The following LAPTM4B variants were observed in gnomAD, a reference collection of about 807,000 sequenced individuals.
LAPTM4B encodes the protein lysosomal-associated transmembrane protein 4B.
In LAPTM4B, 26 loss-of-function variants were observed where a neutral mutation model predicts 28.5. The ratio of observed to expected loss-of-function variants is 0.91; its 90% CI spans 0.67 to 1.27. The LOEUF (loss-of-function observed/expected upper bound fraction) is 1.27, where lower values mean the gene tolerates loss of function less well. Ranked by LOEUF, LAPTM4B falls within the 50% of genes most tolerant of loss-of-function variation. The probability of loss-of-function intolerance (pLI) is 0.00; values close to 1 mark genes in which losing one functional copy is unlikely to be tolerated. For synonymous variants in LAPTM4B, 109 were observed against 106.4 expected (o/e 1.02, Z -0.15); for missense variants, 288 against 285.8 (o/e 1.01, Z -0.06).
rs531900424 is a variant in LAPTM4B at position 97,846,088 on chromosome 8, C to T, written c.604-5309C>T. Reference sequence around the variant, plus strand: ...CACACTGTTCTGGAACTCCTGAGGTCAAGCAATCCTCCTGCTTTGGCTTCC... The same window carrying T: ...CACACTGTTCTGGAACTCCTGAGGTTAAGCAATCCTCCTGCTTTGGCTTCC... On this transcript the variant is annotated intron_variant, in intron 6 of 6. Coordinates refer to ENST00000521545, the MANE Select transcript of LAPTM4B (RefSeq NM_018407.6). 1.0e-3 allele frequency among the ~76,000 whole-genome samples: 153 copies of T among 151,392 alleles called. No individual in the cohort carries two copies. In the South Asian group the frequency reaches 0.012, roughly 12 times the overall value.
At position 97,822,924 on chromosome 8, in the gene LAPTM4B, C is replaced by T. The variant is rs139760665; in HGVS notation, c.508-2134C>T. ...TGGTGTGATCCCGGCTCACTGCAAC[C>T]TCTGCTTCCCGGGTTCAAGCAATTG... On this transcript the variant is annotated intron_variant, in intron 5 of 6. Transcript: ENST00000521545. Among the ~76,000 whole-genome samples the T allele has an allele frequency of 8.5e-3, 1,294 of 152,020 alleles. 22 individuals carry two copies. Among genetic ancestry groups the T allele is most frequent in the African/African-American group, 0.029 (1,213 of 41,458 alleles).
intron 1 of LAPTM4B, among the ~76,000 whole-genome samples, chr8:97,793,367 G>T (rs1389138238): frequency 6.6e-6 from 1 of 152,058 alleles, no homozygotes; most frequent in African/African-American, 2.4e-5. Context: ...AAAAAAAAAG[G>T]TTTAGCTCGC....
intron 6 of LAPTM4B, among the ~76,000 whole-genome samples, chr8:97,826,421 C>T (rs1817092097): frequency 6.6e-6 from 1 of 152,188 alleles, no homozygotes; most frequent in South Asian, 2.1e-4. Flanking sequence ...CTGTAACTCT[C>T]TTTGAAAGAA....
rs184211995 is a variant in LAPTM4B at position 97,776,934 on chromosome 8, G to A, written c.99+826G>A. ...TTCAGAGCTAGTGAGGAAACCTGAT[G>A]GAGTCTTGCCCGCACCTGCCCTGCG... On this transcript the variant is annotated intron_variant, in intron 1 of 6. Coordinates refer to ENST00000521545, the MANE Select transcript of LAPTM4B (RefSeq NM_018407.6). Among the ~76,000 whole-genome samples, 460 of 152,044 alleles carry A rather than the reference G, an allele frequency of 3.0e-3. 5 individuals are homozygous for A. Among genetic ancestry groups the A allele is most frequent in the South Asian group, 7.7e-3 (37 of 4,812 alleles).
chr8:97,795,262 G>A (rs1009591260), intron 1 of LAPTM4B, among the ~76,000 whole-genome samples: 1 of 151,948 alleles, frequency 6.6e-6, no homozygotes, highest in Admixed American at 6.6e-5. Context: ...ACCACACCTG[G>A]CTAAATATTA....
rs546297627 is a variant in LAPTM4B, at chr8:97,817,340, G to A, written c.408+1160G>A. Among the ~76,000 whole-genome samples the A allele has an allele frequency of 2.7e-5, 4 of 150,428 alleles. No homozygotes were observed. In the East Asian group the frequency reaches 7.9e-4, roughly 30 times the overall value. ...TTATGTAGAGATGGGGTTTCACCATGTTGCCCAGGCTTGTCTCAAACTCCT... is the reference window on the plus strand; with the variant it reads ...TTATGTAGAGATGGGGTTTCACCATATTGCCCAGGCTTGTCTCAAACTCCT... On this transcript the variant is annotated intron_variant, in intron 4 of 6. Transcript: ENST00000521545.
chr8:97,801,698 C>T (rs151212035), intron 1 of LAPTM4B, among the ~76,000 whole-genome samples: 5,884 of 152,086 alleles, frequency 0.039, 161 homozygotes, highest in Admixed American at 0.08. Flanking sequence ...AAAAAATTAG[C>T]CAGGTGTGGT....
At chr8:97,820,236 G>C (rs1171733607) in intron 5 of LAPTM4B, among the ~76,000 whole-genome samples, 1 of 151,298 alleles carries the variant, frequency 6.6e-6, no homozygotes, top group Non-Finnish European at 1.5e-5. Context: ...AGCTACTAAT[G>C]GGTAGAAAAC....
chr8:97,801,251 T>C (rs900377323), intron 1 of LAPTM4B, among the ~76,000 whole-genome samples: 10 of 150,994 alleles, frequency 6.6e-5, no homozygotes, highest in Middle Eastern at 3.4e-3. Flanking sequence ...CCATCTCAGC[T>C]CACTGCCATC....
In LAPTM4B at chr8:97,851,460, T is replaced by G; in HGVS notation, c.667T>G (p.Tyr223Asp). The G allele has an allele frequency of 6.2e-7, 1 of 1,613,990 alleles. No homozygotes were observed. Among genetic ancestry groups the G allele is most frequent in the African/African-American group, 1.3e-5 (1 of 75,040 alleles). ...NGAAKEPPPP[Y>D]VSA ...TGCTGCCAAGGAGCCACCGCCACCT[T>G]ACGTGTCTGCCTAAGCCTTCAAGTG... is the stretch of plus-strand genomic sequence containing the variant. The change falls in exon 7 of 7, where the codon TAC becomes GAC. Residue 223 changes from tyrosine (Y) to aspartate (D), a missense_variant. By Grantham distance (160) the Tyr-to-Asp change is radical. Transcript: ENST00000521545.
intron 6 of LAPTM4B, among the ~76,000 whole-genome samples, chr8:97,849,130 T>C (rs563787233): frequency 2.8e-4 from 43 of 152,340 alleles, no homozygotes; most frequent in Non-Finnish European, 5.9e-4. Flanking sequence ...GAAAGTGCCC[T>C]GTGTCCTGCT....
At chr8:97,825,460 A>G (rs1437585673) in intron 6 of LAPTM4B, among the ~76,000 whole-genome samples, 1 of 152,226 alleles carries the variant, frequency 6.6e-6, no homozygotes, top group Non-Finnish European at 1.5e-5. Flanking sequence ...TTGTTAAACC[A>G]TGGTGTATAA....
chr8:97,817,099 AGG>A (rs1308973888), intron 4 of LAPTM4B, among the ~76,000 whole-genome samples: 1 of 152,140 alleles, frequency 6.6e-6, no homozygotes, highest in Non-Finnish European at 1.5e-5. Flanking sequence ...TATTGGTGGC[AGG>A]GTATTAAGAA....
intron 6 of LAPTM4B, among the ~76,000 whole-genome samples, chr8:97,839,144 G>A (rs972398781): frequency 2.0e-5 from 3 of 152,008 alleles, no homozygotes; most frequent in South Asian, 2.1e-4. Flanking sequence ...ACATTAACTC[G>A]GCTCCTATTT....
chr8:97,813,316 C>T (rs7843174), intron 2 of LAPTM4B, among the ~76,000 whole-genome samples: 68,762 of 152,096 alleles, frequency 0.45, 16,018 homozygotes, highest in East Asian at 0.57. Context: ...GTCTGATGTT[C>T]GAGGGCAAGA....
At chr8:97,825,270 G>C in intron 6 of LAPTM4B, 117 bp downstream of exon 6, 1 of 524,398 alleles carries the variant, frequency 1.9e-6, no homozygotes, top group South Asian at 3.3e-5. Context: ...CTCATGAGCT[G>C]CTTAGTTATC....
chr8:97,827,621 T>C (rs1023615824), intron 6 of LAPTM4B, among the ~76,000 whole-genome samples: 1 of 152,154 alleles, frequency 6.6e-6, no homozygotes, highest in South Asian at 2.1e-4. Context: ...CTTTTGGGGA[T>C]TGAGCCCTTA....
chr8:97,846,579 A>G (rs1040333943), intron 6 of LAPTM4B, among the ~76,000 whole-genome samples: 1 of 152,082 alleles, frequency 6.6e-6, no homozygotes, highest in Non-Finnish European at 1.5e-5. Flanking sequence ...TGCCCACCTC[A>G]GTCTCCCAGA....
intron 6 of LAPTM4B, among the ~76,000 whole-genome samples, chr8:97,850,734 G>A (rs898760165): frequency 2.7e-5 from 4 of 147,060 alleles, no homozygotes; most frequent in African/African-American, 7.7e-5. Flanking sequence ...AAAGGGCAGG[G>A]ACTGTCTTTT....
Sources: allele counts gnomAD v4.1 joint callset (sites outside exome capture counted in the v4.1 genomes callset), GRCh38; gene constraint gnomAD v4.1.1; transcripts MANE v1.5; gene names NCBI Gene and HGNC (gene_info 2026-07-23, HGNC 2026-07-21).